Variants in WWOX observed in about 807,000 individuals in gnomAD.
WWOX encodes WW domain containing oxidoreductase, also known as WW domain-containing oxidoreductase.
In WWOX, 69 loss-of-function variants were observed where a neutral mutation model predicts 46.2. That is an observed-to-expected ratio of 1.49 (90% confidence interval 1.23 to 1.82). The LOEUF (loss-of-function observed/expected upper bound fraction) is 1.82, where lower values mean the gene tolerates loss of function less well. WWOX is among the 40% of genes most tolerant of loss of function. The pLI is 0.00. For synonymous variants in WWOX, 359 were observed against 202.6 expected, an observed-to-expected ratio of 1.77 and a Z score of -6.56; for missense variants, 919 against 542.6, an observed-to-expected ratio of 1.69 and a Z score of -6.89.
intron 8 of WWOX, among the ~76,000 whole-genome samples, chr16:78,455,276 G>A (rs1367285861): frequency 2.0e-5 from 3 of 150,572 alleles, no homozygotes. Context: ...CTGGGACAAG[G>A]ACGATGGACA....
intron 8 of WWOX, among the ~76,000 whole-genome samples, chr16:78,634,705 T>TAAAAA (rs60805816): frequency 7.5e-6 from 1 of 133,422 alleles, no homozygotes; most frequent in African/African-American, 2.8e-5. Context: ...GACTCTGTGT[T>TAAAAA]AAAAAAAAAA....
At chr16:78,340,290 A>G (rs113110872) in intron 5 of WWOX, among the ~76,000 whole-genome samples, 25,708 of 113,386 alleles carry the variant, frequency 0.23, 8,003 homozygotes, top group African/African-American at 0.38. Context: ...TCCACCTCCC[A>G]GGTTCAAGTG....
intron 8 of WWOX, chr16:79,206,500 G>C (rs1261910852): frequency 1.3e-5 from 2 of 152,204 alleles, no homozygotes; most frequent in African/African-American, 4.8e-5. Context: ...AGCTCTGTGA[G>C]GGTTAGGCAA....
At chr16:78,568,433 T>C (rs2044630672) in intron 8 of WWOX, among the ~76,000 whole-genome samples, 1 of 151,810 alleles carries the variant, frequency 6.6e-6, no homozygotes, top group Non-Finnish European at 1.5e-5. Flanking sequence ...CTTTCCAAGT[T>C]ATATATTAAA....
chr16:78,162,854 A>G (rs1185397150), intron 4 of WWOX, among the ~76,000 whole-genome samples: 2 of 152,008 alleles, frequency 1.3e-5, no homozygotes, highest in Middle Eastern at 3.4e-3. Context: ...AGTTTCCTCA[A>G]TCTTGTCGTC....
At chr16:78,383,665 T>A (rs76492856) in intron 5 of WWOX, among the ~76,000 whole-genome samples, 3,468 of 152,254 alleles carry the variant, frequency 0.023, 136 homozygotes, top group African/African-American at 0.079. Flanking sequence ...AACACACACA[T>A]AAACACATAT....
Position 78,854,543 on chromosome 16 carries a change from T to C in WWOX, c.1057-357065T>C, listed in dbSNP as rs116042473. On this transcript the variant is annotated intron_variant, in intron 8 of 8. Coordinates refer to ENST00000566780, the MANE Select transcript of WWOX (RefSeq NM_016373.4). The stretch of plus-strand genomic sequence containing the variant: ...CCCCTGGAACATAAAAATTCCTCTA[T>C]TGAGATTAACACCTAACGATACCTG... Among the ~76,000 whole-genome samples, 402 of 152,324 alleles carry C rather than the reference T, an allele frequency of 2.6e-3. 3 individuals carry two copies. Among genetic ancestry groups the C allele is most frequent in the African/African-American group, 9.0e-3 (374 of 41,580 alleles).
At position 78,583,975 on chromosome 16, in the gene WWOX, G is replaced by A. The variant is rs539743265; in HGVS notation, c.1056+151223G>A. On this transcript the variant is annotated intron_variant, in intron 8 of 8. Coordinates refer to ENST00000566780, the MANE Select transcript of WWOX (RefSeq NM_016373.4). ...GCCTCCTTGCTCCCAAACACTTCAAGAAGGAAAATGCTGTTGCAGAAATGT... is the reference window on the plus strand; with the variant it reads ...GCCTCCTTGCTCCCAAACACTTCAAAAAGGAAAATGCTGTTGCAGAAATGT... Among the ~76,000 whole-genome samples, 407 of 152,310 alleles carry A rather than the reference G, an allele frequency of 2.7e-3. 3 individuals are homozygous for A. Among genetic ancestry groups the A allele is most frequent in the Middle Eastern group, 6.8e-3 (2 of 294 alleles).
At chr16:78,517,310 A>C (rs902126027) in intron 8 of WWOX, among the ~76,000 whole-genome samples, 32 of 150,244 alleles carry the variant, frequency 2.1e-4, no homozygotes, top group Non-Finnish European at 3.1e-4. Flanking sequence ...ACTGTCACAC[A>C]CACCCACCCA....
chr16:78,428,036 C>A (rs1435135306), intron 7 of WWOX, among the ~76,000 whole-genome samples: 1 of 152,118 alleles, frequency 6.6e-6, no homozygotes, highest in Non-Finnish European at 1.5e-5. Context: ...CCAGTGCACT[C>A]CAGCCTGGGT....
At chr16:78,662,522 C>A (rs11861187) in intron 8 of WWOX, among the ~76,000 whole-genome samples, 2,545 of 152,190 alleles carry the variant, frequency 0.017, 55 homozygotes, top group African/African-American at 0.058. Context: ...CACTATCAGG[C>A]CCTTTGGACC....
chr16:78,582,428 A>C (rs1417882982), intron 8 of WWOX, among the ~76,000 whole-genome samples: 1 of 152,190 alleles, frequency 6.6e-6, no homozygotes, highest in African/African-American at 2.4e-5. Context: ...GTAGAGATTT[A>C]GTTTTTCAAA....
At chr16:78,699,244 G>C (rs937708770) in intron 8 of WWOX, among the ~76,000 whole-genome samples, 1 of 152,168 alleles carries the variant, frequency 6.6e-6, no homozygotes, top group African/African-American at 2.4e-5. Flanking sequence ...AACATTACAA[G>C]TTCATGCAGC....
At chr16:79,012,643 T>G (rs1254809466) in intron 8 of WWOX, among the ~76,000 whole-genome samples, 1 of 152,148 alleles carries the variant, frequency 6.6e-6, no homozygotes, top group African/African-American at 2.4e-5. Flanking sequence ...ATGGCTGTGA[T>G]TAACCAATGA....
At chr16:78,905,406 G>C (rs751522528) in intron 8 of WWOX, among the ~76,000 whole-genome samples, 1 of 152,210 alleles carries the variant, frequency 6.6e-6, no homozygotes, top group South Asian at 2.1e-4. Context: ...TTTTGGACAG[G>C]CTTTCACTCT....
In WWOX at chr16:78,340,955, G is replaced by A. The variant is rs762685832; in HGVS notation, c.517-45905G>A. Among the ~76,000 whole-genome samples the A allele has an allele frequency of 1.9e-4, 23 of 118,482 alleles. 7 individuals are homozygous for A. Among genetic ancestry groups the A allele is most frequent in the Non-Finnish European group, 3.8e-4 (19 of 49,874 alleles). 77.7% of individuals were successfully genotyped at this position (118,482 alleles called of 152,430 possible). A position where few individuals can be genotyped will look rare whatever the true frequency, so the allele number is the denominator to read the frequency against. ...GTATCCTGCTGGGCTGAGTGGGGAG[G>A]GATTCTCAAGCTGTACATAGCTGAC... is the stretch of plus-strand genomic sequence containing the variant. On this transcript the variant is annotated intron_variant, in intron 5 of 8. Transcript: ENST00000566780.
chr16:78,754,633 G>C (rs1222941970), intron 8 of WWOX, among the ~76,000 whole-genome samples: 5 of 152,106 alleles, frequency 3.3e-5, no homozygotes, highest in African/African-American at 4.8e-5. Flanking sequence ...AAAAAAGCAT[G>C]GAAACTGGGC....
intron 8 of WWOX, among the ~76,000 whole-genome samples, chr16:78,476,104 C>G (rs2084342861): frequency 6.6e-6 from 1 of 152,102 alleles, no homozygotes; most frequent in Admixed American, 6.6e-5. Context: ...TAATTGTTAC[C>G]AAATCCAGGC....
chr16:78,415,282 C>T (rs140933467), intron 6 of WWOX, among the ~76,000 whole-genome samples: 14 of 152,084 alleles, frequency 9.2e-5, no homozygotes, highest in African/African-American at 1.9e-4. Flanking sequence ...GGGAGTGTCT[C>T]TTAGCGTGCT....
Sources: allele counts gnomAD v4.1 joint callset (sites outside exome capture counted in the v4.1 genomes callset), GRCh38; gene constraint gnomAD v4.1.1; transcripts MANE v1.5; gene names NCBI Gene and HGNC (gene_info 2026-07-23, HGNC 2026-07-21).